UNC5B: variants seen among roughly 807,000 people sequenced by gnomAD.
UNC5B encodes unc-5 netrin receptor B, also known as netrin receptor UNC5B.
A neutral mutation model predicts 103.7 loss-of-function variants in UNC5B; 56 were observed. The ratio of observed to expected loss-of-function variants is 0.54; its 90% CI spans 0.44 to 0.67. The LOEUF (loss-of-function observed/expected upper bound fraction) is 0.67. UNC5B is among the 30% of genes least tolerant of loss of function. The pLI is 0.00. For missense variants in UNC5B, 1,194 were observed against 1,284.5 expected (o/e 0.93, Z 1.08); for synonymous variants, 577 against 542.0 (o/e 1.06, Z -0.90).
intron 1 of UNC5B, among the ~76,000 whole-genome samples, chr10:71,255,733 A>C (rs1193771658): frequency 6.6e-6 from 1 of 152,226 alleles, no homozygotes; most frequent in Non-Finnish European, 1.5e-5. Context: ...AAAGCACTCC[A>C]CCAGCCCGGA....
chr10:71,289,716 G>A (rs1692847354), intron 8 of UNC5B, among the ~76,000 whole-genome samples: 1 of 152,242 alleles, frequency 6.6e-6, no homozygotes, highest in African/African-American at 2.4e-5. Flanking sequence ...AAGGCATTAG[G>A]AGGCAGAGCC....
Position 71,212,842 on chromosome 10 carries a change from GC to G in UNC5B, c.-139del. ...CCCTCCGCGCAGCGTGGCTTCCGCT[GC>G]CCCCACGGAAGGCACGGGCTGGCGC... is the stretch of plus-strand genomic sequence containing the variant. On this transcript the variant is annotated 5_prime_UTR_variant, in exon 1 of 17. Transcript: ENST00000335350. 1 of 592,524 alleles carries G rather than the reference GC, an allele frequency of 1.7e-6. No individual in the cohort carries two copies. 36.7% of individuals were successfully genotyped at this position (592,524 alleles called of 1,614,324 possible). A position where few individuals can be genotyped will look rare whatever the true frequency, so the allele number is the denominator to read the frequency against.
intron 1 of UNC5B, among the ~76,000 whole-genome samples, chr10:71,234,670 G>A (rs542759092): frequency 2.6e-5 from 4 of 152,310 alleles, no homozygotes; most frequent in East Asian, 1.9e-4. Flanking sequence ...TGCAAGAGGC[G>A]TGTGGGGTTT....
In UNC5B at chr10:71,251,620, C is replaced by G. The variant is rs566293422; in HGVS notation, c.80-28201C>G. On this transcript the variant is annotated intron_variant, in intron 1 of 16. Transcript: ENST00000335350. ...TTAAATGCTGGCTGTCTCTGGAGAT[C>G]GTTTCGCTCATGCCTGCAGACAAAG... Among the ~76,000 whole-genome samples, 4 of 152,266 alleles carry G rather than the reference C, an allele frequency of 2.6e-5. No individual in the cohort carries two copies. In the East Asian group the frequency reaches 5.8e-4, roughly 22 times the overall value.
chr10:71,233,741 G>A (rs1220315205), intron 1 of UNC5B, among the ~76,000 whole-genome samples: 1 of 152,212 alleles, frequency 6.6e-6, no homozygotes, highest in East Asian at 1.9e-4. Context: ...AACTGGAGGT[G>A]GGGCACAGGG....
chr10:71,257,698 T>C (rs2132277556), intron 1 of UNC5B, among the ~76,000 whole-genome samples: 1 of 152,208 alleles, frequency 6.6e-6, no homozygotes, highest in East Asian at 1.9e-4. Context: ...ATGTTTTCCA[T>C]GGCTTGGGGC....
At chr10:71,268,297 T>C (rs1200300259) in intron 1 of UNC5B, among the ~76,000 whole-genome samples, 5 of 152,252 alleles carry the variant, frequency 3.3e-5, no homozygotes, top group Non-Finnish European at 5.9e-5. Flanking sequence ...ATTTCACAGA[T>C]TGGCAAAGGC....
chr10:71,290,853 C>T, intron 8 of UNC5B, 62 bp from the exon 9 acceptor site: 1 of 1,530,246 alleles, frequency 6.5e-7, no homozygotes. Context: ...GACCCAGGGC[C>T]TCCCTGATTG....
intron 1 of UNC5B, among the ~76,000 whole-genome samples, chr10:71,274,413 T>C (rs542386293): frequency 6.6e-6 from 1 of 152,250 alleles, no homozygotes; most frequent in East Asian, 1.9e-4. Context: ...AATGGCTGAA[T>C]CTCAAATTGC....
intron 1 of UNC5B, among the ~76,000 whole-genome samples, chr10:71,271,882 G>T (rs985619195): frequency 3.9e-5 from 6 of 152,166 alleles, no homozygotes; most frequent in African/African-American, 1.4e-4. Context: ...AGAGGGCTGC[G>T]TGAGGAGCCA....
chr10:71,296,502 C>A, intron 14 of UNC5B, 76 bp from the exon 15 acceptor site: 1 of 1,540,134 alleles, frequency 6.5e-7, no homozygotes. Flanking sequence ...GCTCCCAACC[C>A]TCCCTGAGCC....
At position 71,299,386 on chromosome 10, in the gene UNC5B, C is replaced by G. The variant is rs979397389; in HGVS notation, c.*109C>G. ...GCCTCTGCTTCCTCCCAGTTCACAG[C>G]CAGAGTTGCCTCTCCTCCTCCTCTT... On this transcript the variant is annotated 3_prime_UTR_variant, in exon 17 of 17. Transcript: ENST00000335350. 2.9e-6 allele frequency: 4 copies of G among 1,389,418 alleles called. No homozygotes were observed. Among genetic ancestry groups the G allele is most frequent in the Middle Eastern group, 2.6e-4 (1 of 3,866 alleles). 86.1% of individuals were successfully genotyped at this position (1,389,418 alleles called of 1,614,324 possible).
chr10:71,233,071 A>T (rs1843713221), intron 1 of UNC5B, among the ~76,000 whole-genome samples: 1 of 152,148 alleles, frequency 6.6e-6, no homozygotes, highest in Non-Finnish European at 1.5e-5. Flanking sequence ...CTTCCACAGC[A>T]CTTGTCCATT....
rs771026584 is a variant in UNC5B, at chr10:71,293,531, G to T, written c.1899G>T (p.Trp633Cys). Residue 633 changes from tryptophan (W) to cysteine (C), a missense_variant, in exon 12 of 17, where the codon TGG becomes TGT. Trp to Cys is a radical substitution (Grantham distance 215). Coordinates refer to ENST00000335350, the MANE Select transcript of UNC5B (RefSeq NM_170744.5). Reference protein sequence around the residue: ...PHCAEVSARDWIFQLKTQAHQ... With the variant: ...PHCAEVSARDCIFQLKTQAHQ... ...GTGCCGAAGTCAGTGCCCGTGACTG[G>T]ATCTTTCAGCTCAAGACCCAGGCCC... 6.2e-7 allele frequency: 1 copy of T among 1,613,966 alleles called. No homozygotes were observed.
At position 71,293,872 on chromosome 10, in the gene UNC5B, G is replaced by C; in HGVS notation, c.2114G>C (p.Cys705Ser). 1 of 1,607,732 alleles carries C rather than the reference G, an allele frequency of 6.2e-7. No individual in the cohort carries two copies. The highest frequency in any genetic ancestry group is 8.5e-7 in the Non-Finnish European group (1 of 1,179,756). ...CTGGCCGTCTTCGCCCCCGCCCTCT[G>C]CACCTCCCTGGAGTACAGCCTCCGG... The part of the protein sequence containing the change: ...LQLAVFAPAL[C>S]TSLEYSLRVY... The change falls in exon 13 of 17, where the codon TGC becomes TCC. Residue 705 changes from cysteine to serine, a missense_variant. Cys to Ser is a moderately radical substitution (Grantham distance 112). Transcript: ENST00000335350.
chr10:71,225,396 C>T (rs1843541311), intron 1 of UNC5B, among the ~76,000 whole-genome samples: 1 of 152,232 alleles, frequency 6.6e-6, no homozygotes, highest in African/African-American at 2.4e-5. Context: ...TGGCACCTCC[C>T]ATGCCTGGCT....
At position 71,279,846 on chromosome 10, in the gene UNC5B, C is replaced by G. The variant is rs746537465; in HGVS notation, c.105C>G (p.Leu35=). The G allele has an allele frequency of 6.2e-7, 1 of 1,613,684 alleles. No individual in the cohort carries two copies. The highest frequency in any genetic ancestry group is 1.1e-5 in the South Asian group (1 of 91,060). ...GCACTGATTCTGGCAGCGAGGTGCT[C>G]CCTGACTCCTTCCCGTCAGCGCCAG... ...QAGTDSGSEV[L]PDSFPSAPAE... Residue 35 remains leucine (L), a synonymous_variant, in exon 2 of 17, where the codon CTC becomes CTG. Coordinates refer to ENST00000335350, the MANE Select transcript of UNC5B (RefSeq NM_170744.5).
intron 1 of UNC5B, among the ~76,000 whole-genome samples, chr10:71,268,749 G>A (rs553823245): frequency 6.6e-6 from 1 of 152,260 alleles, no homozygotes; most frequent in African/African-American, 2.4e-5. Context: ...CTTTCAGGGC[G>A]GCATGGGGAT....
chr10:71,257,210 G>A (rs7898566), intron 1 of UNC5B, among the ~76,000 whole-genome samples: 29,350 of 152,152 alleles, frequency 0.19, 3,380 homozygotes, highest in Non-Finnish European at 0.27. Context: ...ATCCCACCTA[G>A]CTCCTTTCCA....
Sources: gnomAD v4.1 joint callset for allele counts (sites outside exome capture counted in the v4.1 genomes callset) on GRCh38, gnomAD v4.1.1 for gene constraint, MANE v1.5 for transcripts, NCBI Gene and HGNC (gene_info 2026-07-23, HGNC 2026-07-21) for gene names.